Variants in WASF3 observed in about 807,000 individuals in gnomAD.
The protein encoded by WASF3 is actin-binding protein WASF3.
WASF3 carries 11 observed loss-of-function variants against 46.6 expected under a neutral mutation model. The ratio of observed to expected loss-of-function variants is 0.24; its 90% CI spans 0.15 to 0.39. The LOEUF (loss-of-function observed/expected upper bound fraction) is 0.39. Among genes scored for constraint, WASF3 ranks in the 10% least tolerant of loss-of-function variants. WASF3 has a pLI of 1.00. For synonymous variants in WASF3, 242 were observed against 259.7 expected, an observed-to-expected ratio of 0.93 and a Z score of 0.65; for missense variants, 576 against 669.8, an observed-to-expected ratio of 0.86 and a Z score of 1.55.
chr13:26,615,574 T>C (rs896722251), intron 2 of WASF3, among the ~76,000 whole-genome samples: 2 of 152,234 alleles, frequency 1.3e-5, no homozygotes, highest in Non-Finnish European at 2.9e-5. Flanking sequence ...CCCGAAGTGC[T>C]GGGATTACAA....
chr13:26,568,818 T>C (rs1593370561), intron 1 of WASF3, among the ~76,000 whole-genome samples: 1 of 152,276 alleles, frequency 6.6e-6, no homozygotes, highest in African/African-American at 2.4e-5. Context: ...TCTCAGTAAA[T>C]TGTCTGTGGA....
At chr13:26,660,596 T>G (rs1387843042) in intron 3 of WASF3, among the ~76,000 whole-genome samples, 1 of 151,754 alleles carries the variant, frequency 6.6e-6, no homozygotes, top group Non-Finnish European at 1.5e-5. Flanking sequence ...CTGGGGAAGC[T>G]TTGCTGCGAA....
chr13:26,654,501 A>C (rs1217448932), intron 3 of WASF3, among the ~76,000 whole-genome samples: 1 of 152,204 alleles, frequency 6.6e-6, no homozygotes, highest in East Asian at 1.9e-4. Context: ...TACACCCTTC[A>C]TGAGAACAGG....
At chr13:26,611,843 T>TC (rs1880990506) in intron 1 of WASF3, among the ~76,000 whole-genome samples, 1 of 152,076 alleles carries the variant, frequency 6.6e-6, no homozygotes, top group Non-Finnish European at 1.5e-5. Flanking sequence ...TCTATTTTTT[T>TC]TTTTTGTACT....
chr13:26,580,932 C>T (rs866489004), intron 1 of WASF3, among the ~76,000 whole-genome samples: 15 of 136,702 alleles, frequency 1.1e-4, no homozygotes, highest in East Asian at 4.3e-4. Flanking sequence ...GCATAAATTT[C>T]TTTTTTTTTT....
chr13:26,649,519 C>G (rs1419830413), intron 3 of WASF3, among the ~76,000 whole-genome samples: 5 of 152,184 alleles, frequency 3.3e-5, no homozygotes, highest in African/African-American at 7.2e-5. Flanking sequence ...AAAGATCCAT[C>G]AAAGAACTGA....
intron 1 of WASF3, among the ~76,000 whole-genome samples, chr13:26,596,420 C>T (rs1880464462): frequency 6.6e-6 from 1 of 151,678 alleles, no homozygotes; most frequent in African/African-American, 2.4e-5. Flanking sequence ...GTCATTTTCC[C>T]CACACCTCAG....
At chr13:26,670,869 G>C (rs1882908627) in intron 5 of WASF3, among the ~76,000 whole-genome samples, 1 of 152,152 alleles carries the variant, frequency 6.6e-6, no homozygotes, top group African/African-American at 2.4e-5. Context: ...CCAGGCCTTT[G>C]TATTTGATGG....
intron 1 of WASF3, among the ~76,000 whole-genome samples, chr13:26,590,126 G>T (rs981561798): frequency 3.3e-5 from 5 of 152,166 alleles, no homozygotes; most frequent in African/African-American, 1.2e-4. Flanking sequence ...CAGTTTGTAA[G>T]ACATTGTCAG....
chr13:26,562,033 C>T (rs532817988), intron 1 of WASF3, among the ~76,000 whole-genome samples: 11 of 152,148 alleles, frequency 7.2e-5, no homozygotes, highest in Non-Finnish European at 4.4e-5. Flanking sequence ...TAAGTACTTA[C>T]GTTTTTAACA....
At chr13:26,625,080 A>G (rs1319103762) in intron 2 of WASF3, among the ~76,000 whole-genome samples, 1 of 152,288 alleles carries the variant, frequency 6.6e-6, no homozygotes, top group East Asian at 1.9e-4. Context: ...AAGAGAATAA[A>G]TATGTTATAT....
chr13:26,587,123 AAG>A (rs1491554066), intron 1 of WASF3, among the ~76,000 whole-genome samples: 3 of 149,728 alleles, frequency 2.0e-5, no homozygotes, highest in African/African-American at 4.9e-5. Context: ...AAAAAAAAAA[AAG>A]GAAGAAGAAT....
intron 3 of WASF3, among the ~76,000 whole-genome samples, chr13:26,648,722 T>C (rs1022184365): frequency 7.9e-5 from 12 of 152,180 alleles, no homozygotes; most frequent in African/African-American, 2.2e-4. Flanking sequence ...TGCTGCAAAC[T>C]TATTTTTGCA....
intron 5 of WASF3, among the ~76,000 whole-genome samples, chr13:26,668,819 G>A (rs538747236): frequency 1.6e-4 from 24 of 152,274 alleles, no homozygotes; most frequent in African/African-American, 5.8e-4. Flanking sequence ...GGAGGTTTTA[G>A]CACACTTATT....
Position 26,640,798 on chromosome 13 carries a change from T to TAAA in WASF3, c.-10-1463_-10-1462insAAA, listed in dbSNP as rs1164859528. On this transcript the variant is annotated intron_variant, in intron 2 of 9. Transcript: ENST00000335327. ...GTGTTTGGTGATCCTTGACTCTTAT[T>TAAA]TAAGTCTGAGGCACTAAAAGCTGGT... The TAAA allele has an allele frequency of 6.9e-3, 1,054 of 152,266 alleles. 9 individuals are homozygous for TAAA. Among genetic ancestry groups the TAAA allele is most frequent in the African/African-American group, 0.024 (976 of 41,522 alleles). The allele number at this position is 152,266 out of a possible 1,614,324, so 9.4% of individuals were successfully genotyped here.
At chr13:26,629,356 C>G (rs1451947261) in intron 2 of WASF3, among the ~76,000 whole-genome samples, 1 of 147,796 alleles carries the variant, frequency 6.8e-6, no homozygotes, top group Admixed American at 6.7e-5. Context: ...TATTTCAGTA[C>G]CTTGACCATA....
chr13:26,673,690 C>T (rs1467267820), intron 6 of WASF3, among the ~76,000 whole-genome samples: 1 of 152,126 alleles, frequency 6.6e-6, no homozygotes, highest in Non-Finnish European at 1.5e-5. Context: ...TTAAAAAACC[C>T]ATGTTTTTGA....
chr13:26,548,161 A>T, the WASF3 span, among the ~76,000 whole-genome samples: 1 of 152,202 alleles, frequency 6.6e-6, no homozygotes, highest in Non-Finnish European at 1.5e-5. Context: ...CTATGTTTTC[A>T]TTTATACAGC....
chr13:26,678,919 C>G (rs1373368498), intron 7 of WASF3, among the ~76,000 whole-genome samples: 1 of 152,214 alleles, frequency 6.6e-6, no homozygotes, highest in Non-Finnish European at 1.5e-5. Context: ...GTGCCTACTT[C>G]CTCCCGTGTG....
Sources: gnomAD v4.1 joint callset for allele counts (sites outside exome capture counted in the v4.1 genomes callset) on GRCh38, gnomAD v4.1.1 for gene constraint, MANE v1.5 for transcripts, NCBI Gene and HGNC (gene_info 2026-07-23, HGNC 2026-07-21) for gene names.